The following FGGY variants were observed in gnomAD, a reference collection of about 807,000 sequenced individuals.
The protein encoded by FGGY is FGGY carbohydrate kinase domain-containing protein.
A neutral mutation model predicts 71.3 loss-of-function variants in FGGY; 72 were observed. The observed-to-expected ratio is 1.01, with a 90% CI of 0.84 to 1.23. The LOEUF is 1.23. Ranked by LOEUF, FGGY falls within the 50% of genes most tolerant of loss-of-function variation. FGGY has a pLI of 0.00. For synonymous variants in FGGY, 251 were observed against 250.3 expected (o/e 1.00, Z -0.02); for missense variants, 668 against 682.3 (o/e 0.98, Z 0.23).
At position 59,353,764 on chromosome 1, in the gene FGGY, C is replaced by T. The variant is rs527417866; in HGVS notation, c.465+7366C>T. Among the ~76,000 whole-genome samples the T allele has an allele frequency of 5.9e-5, 9 of 152,228 alleles. No individual in the cohort carries two copies. The South Asian group carries it at 1.0e-3, about 18-fold the overall frequency. On this transcript the variant is annotated intron_variant, in intron 4 of 15. Transcript: ENST00000303721. ...GCTCAAAAAAGTTAAATAACTTACTCGTGGTCTCATACTATGTAAGCAAAC... is the reference window on the plus strand; with the variant it reads ...GCTCAAAAAAGTTAAATAACTTACTTGTGGTCTCATACTATGTAAGCAAAC...
At position 59,561,404 on chromosome 1, in the gene FGGY, G is replaced by A. The variant is rs555859636; in HGVS notation, c.903+7177G>A. Among the ~76,000 whole-genome samples, 6 of 152,308 alleles carry A rather than the reference G, an allele frequency of 3.9e-5. No individual in the cohort carries two copies. In the South Asian group the frequency reaches 6.2e-4, roughly 16 times the overall value. On this transcript the variant is annotated intron_variant, in intron 8 of 15. Transcript: ENST00000303721. ...AGTATATGCTAGGCATTGATTCGGCGAGGAGAGGGTTGATGTGGTTCAGTG... is the reference window on the plus strand; with the variant it reads ...AGTATATGCTAGGCATTGATTCGGCAAGGAGAGGGTTGATGTGGTTCAGTG...
chr1:59,713,453 A>G (rs2097816244), intron 14 of FGGY, among the ~76,000 whole-genome samples: 1 of 152,202 alleles, frequency 6.6e-6, no homozygotes, highest in African/African-American at 2.4e-5. Context: ...TCCCCACTGC[A>G]GGTCCTTCAC....
chr1:59,441,305 G>C (rs1382536795), intron 5 of FGGY, among the ~76,000 whole-genome samples: 1 of 152,138 alleles, frequency 6.6e-6, no homozygotes, highest in Non-Finnish European at 1.5e-5. Flanking sequence ...TAACTGTGCA[G>C]GAGGGCACAG....
At chr1:59,406,098 C>T (rs1308152780) in intron 5 of FGGY, among the ~76,000 whole-genome samples, 1 of 151,548 alleles carries the variant, frequency 6.6e-6, no homozygotes, top group Non-Finnish European at 1.5e-5. Flanking sequence ...TTTTTTAAGC[C>T]TGTTAATAGA....
intron 6 of FGGY, among the ~76,000 whole-genome samples, chr1:59,478,593 A>T (rs1284788599): frequency 2.6e-5 from 4 of 152,250 alleles, no homozygotes; most frequent in Non-Finnish European, 5.9e-5. Context: ...TATGTTTCAG[A>T]GGATAATTAA....
intron 5 of FGGY, among the ~76,000 whole-genome samples, chr1:59,387,437 T>C (rs1389152279): frequency 6.6e-6 from 1 of 152,198 alleles, no homozygotes; most frequent in Non-Finnish European, 1.5e-5. Context: ...CAATTAATTT[T>C]TCTTATATTT....
chr1:59,526,790 CACACTCTG>C (rs1367671575), intron 7 of FGGY, among the ~76,000 whole-genome samples: 1 of 152,174 alleles, frequency 6.6e-6, no homozygotes, highest in Admixed American at 6.5e-5. Flanking sequence ...GCCTGTGTAG[CACACTCTG>C]ACTGGAATCA....
At chr1:59,520,479 A>G (rs2153645780) in intron 7 of FGGY, among the ~76,000 whole-genome samples, 1 of 152,222 alleles carries the variant, frequency 6.6e-6, no homozygotes, top group African/African-American at 2.4e-5. Flanking sequence ...AACATCTCCA[A>G]ATTTAATCCA....
intron 8 of FGGY, among the ~76,000 whole-genome samples, chr1:59,601,886 C>T (rs2096581658): frequency 6.6e-6 from 1 of 152,178 alleles, no homozygotes; most frequent in Non-Finnish European, 1.5e-5. Flanking sequence ...GACAGAAAAA[C>T]CCACAATAAT....
intron 14 of FGGY, among the ~76,000 whole-genome samples, chr1:59,748,860 T>A (rs1200411074): frequency 2.0e-5 from 3 of 152,068 alleles, no homozygotes; most frequent in Non-Finnish European, 4.4e-5. Flanking sequence ...AACCCCTCCG[T>A]AGCATCAGGA....
At chr1:59,673,898 A>G (rs934819933) in intron 13 of FGGY, 141 bp from the exon 14 acceptor site, 4 of 643,288 alleles carry the variant, frequency 6.2e-6, no homozygotes, top group African/African-American at 3.6e-5. Context: ...CAAGGAATAA[A>G]GAAGGGAGGA....
intron 6 of FGGY, among the ~76,000 whole-genome samples, chr1:59,457,779 A>C (rs1262129447): frequency 6.6e-6 from 1 of 152,196 alleles, no homozygotes; most frequent in Admixed American, 6.5e-5. Context: ...AACAGGTAAA[A>C]AATAAAGCTA....
chr1:59,643,120 A>T (rs2153900177), intron 11 of FGGY, among the ~76,000 whole-genome samples: 1 of 152,142 alleles, frequency 6.6e-6, no homozygotes, highest in East Asian at 1.9e-4. Context: ...CTTGAAAATT[A>T]TTTACTACTG....
At chr1:59,588,639 A>G (rs1050551589) in intron 8 of FGGY, among the ~76,000 whole-genome samples, 19 of 152,232 alleles carry the variant, frequency 1.2e-4, no homozygotes, top group Non-Finnish European at 2.4e-4. Flanking sequence ...AATATTTAAC[A>G]TTCTTAAAGA....
chr1:59,491,116 C>CTCCT lies in FGGY; in HGVS notation c.671-21169_671-21166dup, dbSNP rs74185346. Among the ~76,000 whole-genome samples the CTCCT allele has an allele frequency of 5.7e-3, 301 of 52,558 alleles. 15 individuals carry two copies. Among genetic ancestry groups the CTCCT allele is most frequent in the African/African-American group, 0.02 (203 of 10,034 alleles). 34.5% of individuals were successfully genotyped at this position (52,558 alleles called of 152,430 possible). On this transcript the variant is annotated intron_variant, in intron 6 of 15. Coordinates refer to ENST00000303721, the MANE Select transcript of FGGY (RefSeq NM_018291.5). ...CTTCCTTCCTTCCTTCCCTCCTTCC[C>CTCCT]TCCTTCCTTCCTTCCTTCCTTCCTT...
At chr1:59,342,187 GCCCTAC>G (rs2050846659) in intron 3 of FGGY, among the ~76,000 whole-genome samples, 1 of 152,128 alleles carries the variant, frequency 6.6e-6, no homozygotes, top group African/African-American at 2.4e-5. Flanking sequence ...CAATTCATGA[GCCCTAC>G]CCTCAGGATT....
intron 8 of FGGY, among the ~76,000 whole-genome samples, chr1:59,588,960 G>T (rs1036560576): frequency 1.1e-4 from 16 of 152,176 alleles, no homozygotes; most frequent in African/African-American, 2.4e-4. Flanking sequence ...AAATGTAAAT[G>T]GACTAAATGC....
intron 14 of FGGY, among the ~76,000 whole-genome samples, chr1:59,734,189 G>C (rs1300774818): frequency 1.3e-5 from 2 of 152,112 alleles, no homozygotes; most frequent in East Asian, 1.9e-4. Context: ...TGGGGAACAG[G>C]TGTTGTATGG....
At chr1:59,472,820 G>T (rs186683320) in intron 6 of FGGY, among the ~76,000 whole-genome samples, 1 of 151,706 alleles carries the variant, frequency 6.6e-6, no homozygotes, top group Non-Finnish European at 1.5e-5. Flanking sequence ...TACACCAATC[G>T]GCTCTCTGTA....
Sources: allele counts gnomAD v4.1 joint callset (sites outside exome capture counted in the v4.1 genomes callset), GRCh38; gene constraint gnomAD v4.1.1; transcripts MANE v1.5; gene names NCBI Gene and HGNC (gene_info 2026-07-23, HGNC 2026-07-21).